The following CENPE variants were observed in gnomAD, a reference collection of about 807,000 sequenced individuals.
CENPE encodes the protein centromere protein E.
Under a neutral mutation model 336.1 loss-of-function variants are expected in CENPE, and 145 were observed. That is an observed-to-expected ratio of 0.43 (90% CI 0.38 to 0.50). The LOEUF (loss-of-function observed/expected upper bound fraction) is 0.50. Ranked by LOEUF, CENPE falls within the 20% of genes least tolerant of loss-of-function variation. The probability of loss-of-function intolerance (pLI) is 0.00; values close to 1 mark genes in which losing one functional copy is unlikely to be tolerated. For synonymous variants in CENPE, 1,013 were observed against 984.8 expected, an observed-to-expected ratio of 1.03 and a Z score of -0.54; for missense variants, 2,719 against 3,023.3, an observed-to-expected ratio of 0.90 and a Z score of 2.36.
intron 16 of CENPE, among the ~76,000 whole-genome samples, chr4:103,168,454 C>T (rs1177807418): frequency 1.3e-5 from 2 of 152,198 alleles, no homozygotes; most frequent in African/African-American, 4.8e-5. Context: ...TTGAATGTCA[C>T]AGCTACAGAA....
In CENPE at chr4:103,151,828, C is replaced by T. The variant is rs190909977; in HGVS notation, c.3238-451G>A. 1.3e-3 allele frequency among the ~76,000 whole-genome samples: 198 copies of T among 152,314 alleles called. 1 individual carries two copies. The highest frequency in any genetic ancestry group is 1.7e-3 in the Non-Finnish European group (113 of 68,034). ...GGGCTGATCCTGGTTATTAGGCTCA[C>T]ACAGTGACATTCTCACGTATCAAGA... On this transcript the variant is annotated intron_variant, in intron 25 of 48. Transcript: ENST00000265148.
intron 35 of CENPE, among the ~76,000 whole-genome samples, chr4:103,141,503 A>G (rs1401916500): frequency 3.3e-5 from 5 of 152,060 alleles, no homozygotes; most frequent in African/African-American, 9.7e-5. Context: ...TTGAGTTTTC[A>G]GTTTTTTGTT....
chr4:103,136,799 T>C (rs1752108237), intron 39 of CENPE, among the ~76,000 whole-genome samples: 1 of 152,138 alleles, frequency 6.6e-6, no homozygotes, highest in East Asian at 1.9e-4. Flanking sequence ...TCAAACCACC[T>C]ATTTGTCAGC....
chr4:103,140,172 T>C, intron 37 of CENPE, 84 bp downstream of exon 37: 1 of 1,449,006 alleles, frequency 6.9e-7, no homozygotes, highest in Admixed American at 2.1e-5. Flanking sequence ...CATATCTATC[T>C]ACATATCTGT....
rs1004314422 is a variant in CENPE at position 103,160,072 on chromosome 4, G to A, written c.2286+553C>T. On this transcript the variant is annotated intron_variant, in intron 21 of 48. Coordinates refer to ENST00000265148, the MANE Select transcript of CENPE (RefSeq NM_001813.3). ...CCTATTTTTGAAGAGTTTATAAGAC[G>A]AGTAAATGAAATAATGTTTTTGAAG... Among the ~76,000 whole-genome samples, 38 of 151,910 alleles carry A rather than the reference G, an allele frequency of 2.5e-4. 1 individual carries two copies. In the East Asian group the frequency reaches 6.4e-3, roughly 25 times the overall value.
chr4:103,144,673 A>G, intron 32 of CENPE, 55 bp from the exon 33 acceptor site: 1 of 1,214,608 alleles, frequency 8.2e-7, no homozygotes, highest in Non-Finnish European at 1.2e-6. Flanking sequence ...TAGGAAAAGG[A>G]AGAACTGTTC....
chr4:103,142,974 A>G (rs757235537), intron 34 of CENPE, among the ~76,000 whole-genome samples: 10 of 134,778 alleles, frequency 7.4e-5, no homozygotes, highest in Middle Eastern at 4.8e-3. Context: ...ATGCCGTTGC[A>G]CTCCAGGCGA....
At chr4:103,196,142 C>T in intron 3 of CENPE, 21 bp downstream of exon 3, 1 of 1,603,438 alleles carries the variant, frequency 6.2e-7, no homozygotes. Context: ...AATGTTTCTG[C>T]AGCATTGAGT....
chr4:103,140,894 C>T lies in CENPE; in HGVS notation c.5674G>A (p.Asp1892Asn). Residue 1892 changes from aspartate (D) to asparagine (N), a missense_variant, in exon 36 of 49, where the codon GAT becomes AAT. Physicochemically the swap from Asp to Asn is conservative, Grantham distance 23. Transcript: ENST00000265148. ...EEMKSVMKER[D>N]NLRRVEETLK... ...GTCTCCTCTACTCTTCTTAGATTAT[C>T]TCTTTCTTTCATTACAGATTTCATT... The T allele has an allele frequency of 6.2e-7, 1 of 1,612,534 alleles. No individual in the cohort carries two copies. The highest frequency in any genetic ancestry group is 8.5e-7 in the Non-Finnish European group (1 of 1,179,098).
chr4:103,183,402 C>T (rs1185320663), intron 9 of CENPE, 114 bp from the exon 10 acceptor site: 1 of 748,896 alleles, frequency 1.3e-6, no homozygotes, highest in East Asian at 2.7e-5. Context: ...AGTCTATGCT[C>T]TGGTTTAGAC....
rs545697514 is a variant in CENPE, at chr4:103,115,826, G to T, written c.7442+751C>A. On this transcript the variant is annotated intron_variant, in intron 45 of 48. Transcript: ENST00000265148. ...GCTCACTGCAAGCTCCGCCTCCCGGGTTCACACCATTCTCCTGCCTCAGCC... is the reference window on the plus strand; with the variant it reads ...GCTCACTGCAAGCTCCGCCTCCCGGTTTCACACCATTCTCCTGCCTCAGCC... 4.0e-5 allele frequency among the ~76,000 whole-genome samples: 6 copies of T among 151,080 alleles called. No individual in the cohort carries two copies. The East Asian group carries it at 1.2e-3, about 30-fold the overall frequency.
intron 13 of CENPE, among the ~76,000 whole-genome samples, chr4:103,179,091 T>TGC (rs1756119980): frequency 6.6e-6 from 1 of 152,184 alleles, no homozygotes; most frequent in Non-Finnish European, 1.5e-5. Flanking sequence ...CAGCTACCCA[T>TGC]GAAGCCAAGG....
chr4:103,143,956 A>G (rs530308568), intron 33 of CENPE, among the ~76,000 whole-genome samples: 1 of 151,892 alleles, frequency 6.6e-6, no homozygotes, highest in Non-Finnish European at 1.5e-5. Context: ...TTACTTTTTG[A>G]GATGGAGTCT....
At chr4:103,157,167 A>C (rs1289519110) in intron 24 of CENPE, among the ~76,000 whole-genome samples, 1 of 151,980 alleles carries the variant, frequency 6.6e-6, no homozygotes, top group Non-Finnish European at 1.5e-5. Context: ...GCTGTTATGG[A>C]AAACATTATG....
chr4:103,196,868 C>T lies in CENPE; in HGVS notation c.57-18G>A, dbSNP rs199807076. 7.2e-6 allele frequency: 9 copies of T among 1,255,978 alleles called. No homozygotes were observed. In the East Asian group the frequency reaches 1.9e-4, roughly 26 times the overall value. 77.8% of individuals were successfully genotyped at this position (1,255,978 alleles called of 1,614,324 possible). On this transcript the variant is annotated intron_variant, in intron 1 of 48. Transcript: ENST00000265148. ...ATTCTTCTCTAAAAGAATAAAAACA[C>T]CGCATTTTAACCAGTCATAAAAGTC...
chr4:103,126,976 G>A (rs766859149), intron 42 of CENPE, among the ~76,000 whole-genome samples: 10 of 151,314 alleles, frequency 6.6e-5, no homozygotes, highest in Non-Finnish European at 1.0e-4. Flanking sequence ...AATACCAGAA[G>A]GTGAACAGAA....
At chr4:103,142,963 C>T (rs1752692465) in intron 34 of CENPE, among the ~76,000 whole-genome samples, 1 of 128,328 alleles carries the variant, frequency 7.8e-6, no homozygotes, top group African/African-American at 3.0e-5. Context: ...GAGCCGAGAT[C>T]ATGCCGTTGC....
At chr4:103,167,710 T>C (rs2125990151) in intron 16 of CENPE, among the ~76,000 whole-genome samples, 1 of 152,280 alleles carries the variant, frequency 6.6e-6, no homozygotes, top group African/African-American at 2.4e-5. Flanking sequence ...TTTTTGAGAG[T>C]GCATACCAAC....
intron 13 of CENPE, 105 bp downstream of exon 13, chr4:103,180,206 T>C: frequency 9.9e-7 from 1 of 1,011,126 alleles, no homozygotes. Context: ...GTTTCTTGAA[T>C]ATACTGTATC....
Sources: allele counts gnomAD v4.1 joint callset (sites outside exome capture counted in the v4.1 genomes callset), GRCh38; gene constraint gnomAD v4.1.1; transcripts MANE v1.5; gene names NCBI Gene and HGNC (gene_info 2026-07-23, HGNC 2026-07-21).